The following ABTB2 variants were observed in gnomAD, a reference collection of about 807,000 sequenced individuals.
ABTB2 encodes the protein ankyrin repeat and BTB domain containing 2.
In ABTB2, 56 loss-of-function variants were observed where a neutral mutation model predicts 104.1. The observed-to-expected ratio is 0.54, with a 90% CI of 0.43 to 0.67. The LOEUF (loss-of-function observed/expected upper bound fraction) is 0.67, where lower values mean the gene tolerates loss of function less well. ABTB2 is among the 30% of genes least tolerant of loss of function. The pLI, the probability that ABTB2 is intolerant of heterozygous loss-of-function variation, is 0.00. For synonymous variants in ABTB2, 606 were observed against 608.2 expected (o/e 1.00, Z 0.05); for missense variants, 1,279 against 1,407.7 (o/e 0.91, Z 1.46).
intron 1 of ABTB2, among the ~76,000 whole-genome samples, chr11:34,352,084 A>G (rs1855406601): frequency 6.6e-6 from 1 of 152,292 alleles, no homozygotes; most frequent in South Asian, 2.1e-4. Context: ...GACAAGCTCA[A>G]TCAACCCTTG....
chr11:34,233,432 C>T (rs1333464845), intron 1 of ABTB2, among the ~76,000 whole-genome samples: 4 of 151,466 alleles, frequency 2.6e-5, no homozygotes, highest in Non-Finnish European at 4.4e-5. Context: ...GTCACTGCAG[C>T]GTTAAACTCC....
In ABTB2 at chr11:34,160,625, T is replaced by TGG. The variant is rs200189695; in HGVS notation, c.2398-274_2398-273dup. 8.4e-5 allele frequency among the ~76,000 whole-genome samples: 10 copies of TGG among 119,464 alleles called. No individual in the cohort carries two copies. The Admixed American group carries it at 9.2e-4, about 11-fold the overall frequency. 78.4% of individuals were successfully genotyped at this position (119,464 alleles called of 152,430 possible). ...GGGTGCTGTGTGTGTGTGTGTTGGG[T>TGG]GGGGGGGTTCCTGGGTGCTGGGGGC... On this transcript the variant is annotated intron_variant, in intron 11 of 16. Coordinates refer to ENST00000435224, the MANE Select transcript of ABTB2 (RefSeq NM_145804.3).
In ABTB2 at chr11:34,204,996, T is replaced by C. The variant is rs535369037; in HGVS notation, c.884-306A>G. 8.5e-5 allele frequency among the ~76,000 whole-genome samples: 13 copies of C among 152,288 alleles called. No homozygotes were observed. In the East Asian group the frequency reaches 2.5e-3, roughly 29 times the overall value. ...ATCATAGAAGCATTCATTCACTCAC[T>C]TGCTGAATATTTACAGAGTGCCTGA... On this transcript the variant is annotated intron_variant, in intron 1 of 16. Coordinates refer to ENST00000435224, the MANE Select transcript of ABTB2 (RefSeq NM_145804.3).
chr11:34,228,164 A>C (rs28895983), intron 1 of ABTB2, among the ~76,000 whole-genome samples: 6,027 of 71,248 alleles, frequency 0.085, 1,881 homozygotes, highest in East Asian at 0.3. Context: ...GGTTCAAGCA[A>C]TTCTCCTGCC....
chr11:34,251,454 T>C (rs982460082), intron 1 of ABTB2, among the ~76,000 whole-genome samples: 15 of 152,140 alleles, frequency 9.9e-5, no homozygotes, highest in African/African-American at 3.4e-4. Flanking sequence ...AGTGAAATGC[T>C]AGGGTGGCTG....
chr11:34,319,615 C>T (rs954537378), intron 1 of ABTB2, among the ~76,000 whole-genome samples: 47 of 152,282 alleles, frequency 3.1e-4, no homozygotes, highest in African/African-American at 1.1e-3. Flanking sequence ...GTTATTTAAC[C>T]CCTCCCAGCC....
At chr11:34,226,792 A>G (rs1308072449) in intron 1 of ABTB2, among the ~76,000 whole-genome samples, 4 of 152,120 alleles carry the variant, frequency 2.6e-5, no homozygotes, top group Non-Finnish European at 5.9e-5. Flanking sequence ...TGGTATGGGT[A>G]TGGTAGCTCA....
intron 3 of ABTB2, among the ~76,000 whole-genome samples, chr11:34,192,214 G>A (rs1853185232): frequency 6.6e-6 from 1 of 152,142 alleles, no homozygotes. Context: ...GATTGCATGA[G>A]CCCAGGATGT....
rs146750261 is a variant in ABTB2 at position 34,310,312 on chromosome 11, A to G, written c.883+46389T>C. On this transcript the variant is annotated intron_variant, in intron 1 of 16. Coordinates refer to ENST00000435224, the MANE Select transcript of ABTB2 (RefSeq NM_145804.3). ...CTGTCCTGTGTCTCTCCCTCTCTCA[A>G]TTAAAGCTCCAGCATCTACCCTGCT... Among the ~76,000 whole-genome samples, 450 of 152,112 alleles carry G rather than the reference A, an allele frequency of 3.0e-3. 5 individuals carry two copies. Among genetic ancestry groups the G allele is most frequent in the African/African-American group, 0.01 (428 of 41,478 alleles).
chr11:34,345,983 C>T (rs1372210898), intron 1 of ABTB2, among the ~76,000 whole-genome samples: 1 of 152,206 alleles, frequency 6.6e-6, no homozygotes, highest in African/African-American at 2.4e-5. Context: ...TCCCCAGCCT[C>T]TCATACTGAC....
intron 1 of ABTB2, among the ~76,000 whole-genome samples, chr11:34,305,952 C>A (rs1321570694): frequency 6.6e-6 from 1 of 152,162 alleles, no homozygotes; most frequent in Admixed American, 6.5e-5. Flanking sequence ...CAATCCACAT[C>A]ATTATATTCA....
At chr11:34,165,382 C>T (rs920258765) in intron 7 of ABTB2, 26 bp from the exon 8 acceptor site, 1 of 1,564,930 alleles carries the variant, frequency 6.4e-7, no homozygotes, top group Non-Finnish European at 8.7e-7. Flanking sequence ...AGGAGGAGGG[C>T]ACTGCTCAGC....
intron 1 of ABTB2, among the ~76,000 whole-genome samples, chr11:34,274,317 T>C (rs1358002472): frequency 6.6e-6 from 1 of 152,016 alleles, no homozygotes; most frequent in Non-Finnish European, 1.5e-5. Flanking sequence ...GAACAGAAGA[T>C]GACAGAAGCC....
chr11:34,216,505 C>A (rs1853550646), intron 1 of ABTB2, among the ~76,000 whole-genome samples: 1 of 152,146 alleles, frequency 6.6e-6, no homozygotes, highest in Non-Finnish European at 1.5e-5. Context: ...AATCCCAGAA[C>A]TTTGGGAGGC....
chr11:34,284,854 C>T (rs1300798556), intron 1 of ABTB2, among the ~76,000 whole-genome samples: 1 of 152,258 alleles, frequency 6.6e-6, no homozygotes, highest in Non-Finnish European at 1.5e-5. Context: ...CTGATACCGC[C>T]TGGAGCCAGA....
chr11:34,234,679 C>T (rs1853817670), intron 1 of ABTB2, among the ~76,000 whole-genome samples: 1 of 152,162 alleles, frequency 6.6e-6, no homozygotes, highest in Non-Finnish European at 1.5e-5. Context: ...GGCTACCAGG[C>T]AGTGCCAAGC....
At chr11:34,187,624 G>C (rs1319972746) in intron 3 of ABTB2, among the ~76,000 whole-genome samples, 6 of 151,880 alleles carry the variant, frequency 4.0e-5, no homozygotes, top group African/African-American at 1.5e-4. Context: ...AGCCTCCTGA[G>C]TAGCTAGGAC....
At chr11:34,287,726 C>T (rs1243511843) in intron 1 of ABTB2, among the ~76,000 whole-genome samples, 3 of 152,198 alleles carry the variant, frequency 2.0e-5, no homozygotes, top group Non-Finnish European at 2.9e-5. Context: ...TACTTGACTT[C>T]GAGGGTCCCC....
At chr11:34,177,887 G>A (rs776597823) in intron 3 of ABTB2, among the ~76,000 whole-genome samples, 34 of 152,174 alleles carry the variant, frequency 2.2e-4, no homozygotes, top group South Asian at 2.1e-4. Flanking sequence ...CTTGATTCCA[G>A]CTTTACTCCT....
Sources: allele counts gnomAD v4.1 joint callset (sites outside exome capture counted in the v4.1 genomes callset), GRCh38; gene constraint gnomAD v4.1.1; transcripts MANE v1.5; gene names NCBI Gene and HGNC (gene_info 2026-07-23, HGNC 2026-07-21).